The following PCDHGA4 variants were observed in gnomAD, a reference collection of about 807,000 sequenced individuals.
The protein encoded by PCDHGA4 is protocadherin gamma subfamily A, 4.
PCDHGA4 carries 38 observed loss-of-function variants against 54.6 expected under a neutral mutation model. That is an observed-to-expected ratio of 0.70 (90% CI 0.54 to 0.91). The LOEUF is 0.91. Among genes scored for constraint, PCDHGA4 ranks in the 40% least tolerant of loss-of-function variants. The pLI, the probability that PCDHGA4 is intolerant of heterozygous loss-of-function variation, is 0.00. For missense variants in PCDHGA4, 1,298 were observed against 1,220.9 expected (o/e 1.06, Z -0.94); for synonymous variants, 511 against 512.9 (o/e 1.00, Z 0.05).
chr5:141,418,576 C>T, intron 1 of PCDHGA4: 2 of 1,614,012 alleles, frequency 1.2e-6, no homozygotes, highest in South Asian at 1.1e-5. Flanking sequence ...ATGACAACCC[C>T]CCAGTGTTCA....
At position 141,366,074 on chromosome 5, in the gene PCDHGA4, G is replaced by A; in HGVS notation, c.2514+8453G>A. The A allele has an allele frequency of 1.9e-6, 3 of 1,614,218 alleles. No homozygotes were observed. In the South Asian group the frequency reaches 3.3e-5, roughly 18 times the overall value. On this transcript the variant is annotated intron_variant, in intron 1 of 3. Coordinates refer to ENST00000571252, the MANE Select transcript of PCDHGA4 (RefSeq NM_018917.4). Reference sequence around the variant, plus strand: ...GGGCGTGGAGCTGGCGCCTCGCTCCGCAGAACCTGGCTACCTGGTGACCAA... The same window carrying A: ...GGGCGTGGAGCTGGCGCCTCGCTCCACAGAACCTGGCTACCTGGTGACCAA...
intron 1 of PCDHGA4, chr5:141,384,561 C>T (rs778010622): frequency 3.7e-6 from 6 of 1,614,254 alleles, no homozygotes; most frequent in Admixed American, 3.3e-5. Context: ...TCGTGCTGGA[C>T]CAGAATGACA....
chr5:141,477,184 C>T lies in PCDHGA4; in HGVS notation c.2515-17623C>T. On this transcript the variant is annotated intron_variant, in intron 1 of 3. Coordinates refer to ENST00000571252, the MANE Select transcript of PCDHGA4 (RefSeq NM_018917.4). The surrounding 1 kb of genome is among the most constrained non-coding windows in gnomAD (Gnocchi z 4.9). ...ACGCCCCGGAGATCACAGTCACCTC[C>T]GTGTACAGCCCAGTACCCGAGGATG... The T allele has an allele frequency of 3.7e-6, 6 of 1,614,178 alleles. No individual in the cohort carries two copies. Among genetic ancestry groups the T allele is most frequent in the Non-Finnish European group, 5.1e-6 (6 of 1,180,032 alleles).
In PCDHGA4 at chr5:141,476,737, G is replaced by A. The variant is rs1420138912; in HGVS notation, c.2515-18070G>A. ...AGCGCGCCCTGGACCGAGAACGGGA[G>A]CCTAGTCTCCAGTTAGTGCTGACGG... is the stretch of plus-strand genomic sequence containing the variant. On this transcript the variant is annotated intron_variant, in intron 1 of 3. Coordinates refer to ENST00000571252, the MANE Select transcript of PCDHGA4 (RefSeq NM_018917.4). This position sits in a 1 kb window ranked among gnomAD's most constrained non-coding sequence, Gnocchi z 7.6. The A allele has an allele frequency of 3.1e-6, 5 of 1,613,982 alleles. No individual in the cohort carries two copies. Among genetic ancestry groups the A allele is most frequent in the Non-Finnish European group, 4.2e-6 (5 of 1,180,038 alleles).
At chr5:141,464,913 AT>A (rs1366203949) in intron 1 of PCDHGA4, among the ~76,000 whole-genome samples, 1 of 151,428 alleles carries the variant, frequency 6.6e-6, no homozygotes, top group Non-Finnish European at 1.5e-5. Context: ...TAATTTTTTT[AT>A]TTTTTTGTAG....
chr5:141,457,301 CCAAA>C (rs1163780799), intron 1 of PCDHGA4, among the ~76,000 whole-genome samples: 1 of 152,090 alleles, frequency 6.6e-6, no homozygotes, highest in Non-Finnish European at 1.5e-5. Context: ...TTTTATTTTC[CCAAA>C]CAAAGAAACC....
intron 1 of PCDHGA4, among the ~76,000 whole-genome samples, chr5:141,426,006 G>C (rs1013613474): frequency 2.0e-5 from 3 of 152,104 alleles, no homozygotes; most frequent in African/African-American, 7.2e-5. Flanking sequence ...AAGGCTTCCG[G>C]CTGCAGTTTT....
rs752660538 is a variant in PCDHGA4 at position 141,486,495 on chromosome 5, T to C, written c.2515-8312T>C. 1 of 1,614,074 alleles carries C rather than the reference T, an allele frequency of 6.2e-7. No individual in the cohort carries two copies. The highest frequency in any genetic ancestry group is 8.5e-7 in the Non-Finnish European group (1 of 1,179,922). On this transcript the variant is annotated intron_variant, in intron 1 of 3. Transcript: ENST00000571252. The surrounding 1 kb of genome is among the most constrained non-coding windows in gnomAD (Gnocchi z 5.0). ...CCTCCTCTCAGTACCCACAGAACTA[T>C]TTTCCTCAATATTTCAGATGTGAAT...
At chr5:141,450,460 TTATA>T (rs1234300844) in intron 1 of PCDHGA4, among the ~76,000 whole-genome samples, 1 of 152,104 alleles carries the variant, frequency 6.6e-6, no homozygotes, top group Non-Finnish European at 1.5e-5. Flanking sequence ...CCTCGTGATT[TTATA>T]TATAGAGTTT....
chr5:141,444,545 C>G (rs1346405150), intron 1 of PCDHGA4, among the ~76,000 whole-genome samples: 1 of 152,042 alleles, frequency 6.6e-6, no homozygotes, highest in Non-Finnish European at 1.5e-5. Context: ...GTCTAGTGAG[C>G]AAAAGGCACT....
At chr5:141,384,541 C>T in intron 1 of PCDHGA4, 2 of 1,614,264 alleles carry the variant, frequency 1.2e-6, no homozygotes, top group Non-Finnish European at 1.7e-6. Context: ...CAACATGTCA[C>T]TGAGCCTGTT....
intron 1 of PCDHGA4, chr5:141,388,455 T>C: frequency 6.2e-7 from 1 of 1,613,784 alleles, no homozygotes; most frequent in South Asian, 1.1e-5. Flanking sequence ...TGGCAGTAAA[T>C]ACCCTGAGAT....
intron 1 of PCDHGA4, among the ~76,000 whole-genome samples, chr5:141,447,123 T>G (rs1004463863): frequency 1.3e-5 from 2 of 152,160 alleles, no homozygotes; most frequent in Non-Finnish European, 2.9e-5. Flanking sequence ...CCATGGATTT[T>G]TTTGTTTGTT....
At chr5:141,404,408 A>C (rs2154535328) in intron 1 of PCDHGA4, 1 of 1,613,900 alleles carries the variant, frequency 6.2e-7, no homozygotes, top group East Asian at 2.2e-5. Flanking sequence ...TGAGAATTCT[A>C]GAGTTATTTA....
chr5:141,375,963 G>C (rs371650654), intron 1 of PCDHGA4: 4 of 1,613,262 alleles, frequency 2.5e-6, no homozygotes, highest in Non-Finnish European at 2.5e-6. Flanking sequence ...GGCGAGGTGC[G>C]CACGGCGCGC....
At chr5:141,417,798 C>T in intron 1 of PCDHGA4, 2 of 1,486,472 alleles carry the variant, frequency 1.3e-6, no homozygotes, top group Non-Finnish European at 1.8e-6. Context: ...GCTCTTTTAG[C>T]GCGGTAGAGT....
intron 1 of PCDHGA4, among the ~76,000 whole-genome samples, chr5:141,457,854 C>A (rs2098930903): frequency 6.6e-6 from 1 of 152,234 alleles, no homozygotes; most frequent in African/African-American, 2.4e-5. Flanking sequence ...AAGTGACATT[C>A]TTCACTGACC....
chr5:141,482,472 CTG>C (rs2099561247), intron 1 of PCDHGA4, among the ~76,000 whole-genome samples: 2 of 136,856 alleles, frequency 1.5e-5, no homozygotes, highest in Non-Finnish European at 3.0e-5. Context: ...GTGCCAGACA[CTG>C]TAAACAATTA....
At chr5:141,409,916 T>C (rs762510018) in intron 1 of PCDHGA4, 3 of 1,613,298 alleles carry the variant, frequency 1.9e-6, no homozygotes, top group Non-Finnish European at 2.5e-6. Flanking sequence ...TCCTGACGGC[T>C]CCGCGTTCTT....
Sources: gnomAD v4.1 joint callset for allele counts (sites outside exome capture counted in the v4.1 genomes callset) on GRCh38, gnomAD v4.1.1 for gene constraint, Gnocchi (gnomAD v3.1) non-coding constraint, MANE v1.5 for transcripts, NCBI Gene and HGNC (gene_info 2026-07-23, HGNC 2026-07-21) for gene names.